The following FAM210A variants were observed in gnomAD, a reference collection of about 807,000 sequenced individuals.
FAM210A encodes the protein mitochondrial inner membrane scaffold 1.
FAM210A carries 13 observed loss-of-function variants against 25.3 expected under a neutral mutation model. The ratio of observed to expected loss-of-function variants is 0.51; its 90% CI spans 0.33 to 0.82. The LOEUF (loss-of-function observed/expected upper bound fraction) is 0.82. Among genes scored for constraint, FAM210A ranks in the 40% least tolerant of loss-of-function variants. The probability of loss-of-function intolerance (pLI) is 0.02; values close to 1 mark genes in which losing one functional copy is unlikely to be tolerated. For missense variants in FAM210A, 319 were observed against 323.2 expected, an observed-to-expected ratio of 0.99 and a Z score of 0.10; for synonymous variants, 125 against 118.7, an observed-to-expected ratio of 1.05 and a Z score of -0.35.
intron 1 of FAM210A, among the ~76,000 whole-genome samples, chr18:13,686,078 TAAGA>T (rs1444511282): frequency 1.3e-5 from 2 of 151,928 alleles, no homozygotes. Flanking sequence ...CAAGATAAAC[TAAGA>T]GAGAAAACAA....
intron 1 of FAM210A, among the ~76,000 whole-genome samples, chr18:13,701,419 G>A (rs1005674708): frequency 6.6e-6 from 1 of 152,162 alleles, no homozygotes; most frequent in Non-Finnish European, 1.5e-5. Context: ...GAAACTGATA[G>A]TAAATGGTAA....
At chr18:13,712,855 G>A (rs1007178610) in intron 1 of FAM210A, among the ~76,000 whole-genome samples, 1 of 152,140 alleles carries the variant, frequency 6.6e-6, no homozygotes, top group Non-Finnish European at 1.5e-5. Context: ...TCAAAACTAA[G>A]TACTTCAAAA....
chr18:13,665,890 A>C lies in FAM210A; in HGVS notation c.*590T>G, dbSNP rs185069575. On this transcript the variant is annotated 3_prime_UTR_variant, in exon 4 of 4. Coordinates refer to ENST00000651643, the MANE Select transcript of FAM210A (RefSeq NM_152352.4). ...AAGGGTCCATTTTTCATTTACGTACAATCAGTACATCTTATTTACATATAT... is the reference window on the plus strand; with the variant it reads ...AAGGGTCCATTTTTCATTTACGTACCATCAGTACATCTTATTTACATATAT... 3.3e-5 allele frequency: 5 copies of C among 152,494 alleles called. No individual in the cohort carries two copies. In the East Asian group the frequency reaches 7.7e-4, roughly 24 times the overall value. 9.4% of individuals were successfully genotyped at this position (152,494 alleles called of 1,614,324 possible). A position where few individuals can be genotyped will look rare whatever the true frequency, so the allele number is the denominator to read the frequency against.
rs545380888 is a variant in FAM210A, at chr18:13,664,948, T to C, written c.*1532A>G. On this transcript the variant is annotated 3_prime_UTR_variant, in exon 4 of 4. Transcript: ENST00000651643. ...AGCAATTGAAGGGTTAGAACTGAAA[T>C]AGTCACTGTTAGAGCACAGGAAATA... 4.6e-5 allele frequency: 7 copies of C among 152,590 alleles called. No individual in the cohort carries two copies. The highest frequency in any genetic ancestry group is 2.1e-4 in the South Asian group (1 of 4,814). 9.5% of individuals were successfully genotyped at this position (152,590 alleles called of 1,614,324 possible).
At position 13,672,015 on chromosome 18, in the gene FAM210A, AATG is replaced by A. The variant is rs764192979; in HGVS notation, c.474-45_474-43del. The A allele has an allele frequency of 2.5e-5, 35 of 1,389,284 alleles. 1 individual carries two copies. In the South Asian group the frequency reaches 4.0e-4, roughly 16 times the overall value. The allele number at this position is 1,389,284 out of a possible 1,614,324, so 86.1% of individuals were successfully genotyped here. A position where few individuals can be genotyped will look rare whatever the true frequency, so the allele number is the denominator to read the frequency against. On this transcript the variant is annotated intron_variant, in intron 2 of 3. Coordinates refer to ENST00000651643, the MANE Select transcript of FAM210A (RefSeq NM_152352.4). ...GTAATTTTCATATGTACAAACTTTT[AATG>A]ATATTTTCAAAAATTATCTGAAAAT...
intron 1 of FAM210A, among the ~76,000 whole-genome samples, chr18:13,723,865 G>C (rs983856088): frequency 6.6e-6 from 1 of 152,108 alleles, no homozygotes; most frequent in African/African-American, 2.4e-5. Flanking sequence ...ATTTCAGTAG[G>C]AACACTTTCC....
chr18:13,685,846 AAC>A (rs1366500742), intron 1 of FAM210A, among the ~76,000 whole-genome samples: 1 of 152,200 alleles, frequency 6.6e-6, no homozygotes, highest in African/African-American at 2.4e-5. Context: ...CTCTTTTATC[AAC>A]AGTTTACAGG....
At chr18:13,696,086 CTAAA>C (rs2043690973) in intron 1 of FAM210A, among the ~76,000 whole-genome samples, 1 of 152,096 alleles carries the variant, frequency 6.6e-6, no homozygotes, top group East Asian at 1.9e-4. Flanking sequence ...AATCAAAGGT[CTAAA>C]TAAATGGAGA....
intron 2 of FAM210A, among the ~76,000 whole-genome samples, chr18:13,673,643 C>G (rs1156591561): frequency 6.9e-6 from 1 of 144,730 alleles, no homozygotes; most frequent in Non-Finnish European, 1.5e-5. Flanking sequence ...TCCTGAGACC[C>G]GACTTCTTTA....
rs200914852 is a variant in FAM210A at position 13,683,004 on chromosome 18, GA to G, written c.-28-900del. Among the ~76,000 whole-genome samples the G allele has an allele frequency of 2.2e-4, 33 of 152,220 alleles. 1 individual carries two copies. In the East Asian group the frequency reaches 4.6e-3, roughly 21 times the overall value. On this transcript the variant is annotated intron_variant, in intron 1 of 3. Coordinates refer to ENST00000651643, the MANE Select transcript of FAM210A (RefSeq NM_152352.4). ...ATAGAAGCAGTGTAGTATAGTGGGGGAAAAAATAAGATCTGGGTTCTGATGC... is the reference window on the plus strand; with the variant it reads ...ATAGAAGCAGTGTAGTATAGTGGGGGAAAAATAAGATCTGGGTTCTGATGC...
At chr18:13,703,024 C>A (rs529375222) in intron 1 of FAM210A, among the ~76,000 whole-genome samples, 2 of 152,264 alleles carry the variant, frequency 1.3e-5, no homozygotes, top group Admixed American at 1.3e-4. Flanking sequence ...GCATGGGACC[C>A]CTTGGGAAAA....
At chr18:13,707,112 A>T (rs1407055149) in intron 1 of FAM210A, among the ~76,000 whole-genome samples, 1 of 152,218 alleles carries the variant, frequency 6.6e-6, no homozygotes, top group Non-Finnish European at 1.5e-5. Context: ...GAGCTGAAAG[A>T]AATGTGCAGC....
At chr18:13,697,978 AAC>A (rs1162982599) in intron 1 of FAM210A, among the ~76,000 whole-genome samples, 2 of 152,332 alleles carry the variant, frequency 1.3e-5, no homozygotes, top group East Asian at 3.9e-4. Context: ...ATTCTGGGAA[AAC>A]ACACTTTCTA....
intron 1 of FAM210A, among the ~76,000 whole-genome samples, chr18:13,703,362 A>G (rs1259545982): frequency 6.6e-6 from 1 of 152,226 alleles, no homozygotes; most frequent in Non-Finnish European, 1.5e-5. Flanking sequence ...ACTGAAAGAT[A>G]AGACTCCTAT....
chr18:13,724,024 T>C (rs756598208), intron 1 of FAM210A, among the ~76,000 whole-genome samples: 5 of 152,164 alleles, frequency 3.3e-5, no homozygotes, highest in Non-Finnish European at 7.4e-5. Flanking sequence ...AAAAATATGA[T>C]CTTCAACTCT....
intron 1 of FAM210A, among the ~76,000 whole-genome samples, chr18:13,690,508 G>C (rs56291555): frequency 0.03 from 4,499 of 152,320 alleles, 79 homozygotes; most frequent in Middle Eastern, 0.061. Flanking sequence ...CCTCCCAGTA[G>C]GGGCCGACTG....
At chr18:13,709,674 A>G (rs2149068153) in intron 1 of FAM210A, among the ~76,000 whole-genome samples, 1 of 152,316 alleles carries the variant, frequency 6.6e-6, no homozygotes, top group East Asian at 1.9e-4. Flanking sequence ...GTCCCCCAAG[A>G]GTAGAGCTTT....
At chr18:13,683,372 C>T (rs1293910397) in intron 1 of FAM210A, among the ~76,000 whole-genome samples, 3 of 152,094 alleles carry the variant, frequency 2.0e-5, no homozygotes, top group Admixed American at 6.5e-5. Flanking sequence ...AGAGTGATGT[C>T]TCACTATTTG....
intron 1 of FAM210A, among the ~76,000 whole-genome samples, chr18:13,707,757 G>C (rs1417802272): frequency 2.0e-5 from 3 of 152,216 alleles, no homozygotes; most frequent in Non-Finnish European, 4.4e-5. Context: ...AACAACAGCT[G>C]AGTCTTGGCC....
Sources: gnomAD v4.1 joint callset for allele counts (sites outside exome capture counted in the v4.1 genomes callset) on GRCh38, gnomAD v4.1.1 for gene constraint, MANE v1.5 for transcripts, NCBI Gene and HGNC (gene_info 2026-07-23, HGNC 2026-07-21) for gene names.